ADK: variants seen among roughly 807,000 people sequenced by gnomAD.
The protein encoded by ADK is N6,N6-dimethyladenosine kinase.
In ADK, 24 loss-of-function variants were observed where a neutral mutation model predicts 44.7. The observed-to-expected ratio is 0.54, with a 90% CI of 0.39 to 0.76. The LOEUF (loss-of-function observed/expected upper bound fraction) is 0.76, where lower values mean the gene tolerates loss of function less well. Among genes scored for constraint, ADK ranks in the 30% least tolerant of loss-of-function variants. ADK has a pLI of 0.00. For synonymous variants in ADK, 128 were observed against 142.6 expected, an observed-to-expected ratio of 0.90 and a Z score of 0.73; for missense variants, 321 against 425.1, an observed-to-expected ratio of 0.76 and a Z score of 2.15.
chr10:74,325,323 A>G (rs1840968729), intron 4 of ADK, among the ~76,000 whole-genome samples: 1 of 151,808 alleles, frequency 6.6e-6, no homozygotes, highest in South Asian at 2.1e-4. Context: ...ATGCTTTTGT[A>G]TGTTTATTTT....
chr10:74,412,828 C>A (rs1404860611), intron 6 of ADK, among the ~76,000 whole-genome samples: 3 of 152,054 alleles, frequency 2.0e-5, no homozygotes, highest in Non-Finnish European at 4.4e-5. Context: ...GAGGCCAAGG[C>A]GGGAGGATCA....
chr10:74,662,528 G>A (rs933903921), intron 9 of ADK, among the ~76,000 whole-genome samples: 4 of 152,042 alleles, frequency 2.6e-5, no homozygotes, highest in African/African-American at 9.7e-5. Context: ...CAGTCCTCCC[G>A]CCTCAGCCTC....
chr10:74,386,584 A>C (rs1463091317), intron 4 of ADK, among the ~76,000 whole-genome samples: 1 of 152,124 alleles, frequency 6.6e-6, no homozygotes, highest in East Asian at 1.9e-4. Context: ...TACCTTAGTG[A>C]ACTGTCATCT....
chr10:74,468,189 G>T (rs1846429053), intron 6 of ADK, among the ~76,000 whole-genome samples: 1 of 152,102 alleles, frequency 6.6e-6, no homozygotes. Flanking sequence ...GTATAATTTT[G>T]TCTCTTTCTT....
intron 2 of ADK, among the ~76,000 whole-genome samples, chr10:74,203,612 T>C (rs1843477102): frequency 6.6e-6 from 1 of 152,048 alleles, no homozygotes; most frequent in Non-Finnish European, 1.5e-5. Flanking sequence ...TAGGCCCAAG[T>C]TGTCTTCCCA....
chr10:74,614,013 T>C (rs1852652360), intron 9 of ADK, among the ~76,000 whole-genome samples: 1 of 152,188 alleles, frequency 6.6e-6, no homozygotes, highest in Admixed American at 6.5e-5. Context: ...CACCTATGAA[T>C]GTAAGTTACT....
intron 9 of ADK, among the ~76,000 whole-genome samples, chr10:74,651,923 A>G (rs1008537479): frequency 1.3e-5 from 2 of 152,224 alleles, no homozygotes; most frequent in African/African-American, 4.8e-5. Flanking sequence ...GTATGATTAC[A>G]TTTATTTGAA....
At chr10:74,509,543 G>A (rs1468905461) in intron 6 of ADK, 2 of 152,130 alleles carry the variant, frequency 1.3e-5, no homozygotes, top group Non-Finnish European at 2.9e-5. Flanking sequence ...GGGATAAATA[G>A]CATATCCATC....
intron 9 of ADK, among the ~76,000 whole-genome samples, chr10:74,612,733 T>C (rs1388790862): frequency 6.6e-6 from 1 of 152,100 alleles, no homozygotes; most frequent in Non-Finnish European, 1.5e-5. Context: ...TTCTCCTAGG[T>C]TTTTTCTAGG....
chr10:74,679,837 T>A (rs750587915), intron 10 of ADK, among the ~76,000 whole-genome samples: 3 of 151,986 alleles, frequency 2.0e-5, no homozygotes, highest in Non-Finnish European at 2.9e-5. Context: ...GGTGGGTGCC[T>A]ATAATCCCAG....
intron 4 of ADK, among the ~76,000 whole-genome samples, chr10:74,372,873 A>G (rs1211261598): frequency 1.3e-5 from 2 of 152,170 alleles, no homozygotes; most frequent in African/African-American, 4.8e-5. Context: ...AATTCAAGGG[A>G]CCCAGTATAG....
chr10:74,217,594 C>T (rs1375329246), intron 2 of ADK, among the ~76,000 whole-genome samples: 4 of 152,244 alleles, frequency 2.6e-5, no homozygotes, highest in Non-Finnish European at 5.9e-5. Context: ...CCCCTGACCC[C>T]TGAGCAGCCT....
At chr10:74,276,954 G>A (rs572150687) in intron 3 of ADK, among the ~76,000 whole-genome samples, 7 of 149,812 alleles carry the variant, frequency 4.7e-5, no homozygotes, top group African/African-American at 1.7e-4. Context: ...GTCTCAGTCT[G>A]TTGCACAGAC....
intron 3 of ADK, among the ~76,000 whole-genome samples, chr10:74,249,939 A>G (rs1400336118): frequency 6.6e-6 from 1 of 152,196 alleles, no homozygotes; most frequent in African/African-American, 2.4e-5. Context: ...CATAGTTTAT[A>G]CTCTAATAGA....
chr10:74,695,021 C>T (rs1438700462), intron 10 of ADK, among the ~76,000 whole-genome samples: 1 of 151,770 alleles, frequency 6.6e-6, no homozygotes, highest in Non-Finnish European at 1.5e-5. Flanking sequence ...CTAAACACTA[C>T]TTTTCTAAGA....
chr10:74,546,641 A>G (rs771221642), intron 7 of ADK, among the ~76,000 whole-genome samples: 4 of 152,140 alleles, frequency 2.6e-5, no homozygotes, highest in Non-Finnish European at 4.4e-5. Flanking sequence ...TGAGTGTTTT[A>G]TATAGTAGGG....
At chr10:74,382,782 G>T (rs2132010430) in intron 4 of ADK, among the ~76,000 whole-genome samples, 1 of 151,876 alleles carries the variant, frequency 6.6e-6, no homozygotes, top group African/African-American at 2.4e-5. Flanking sequence ...TCTTTTTCTT[G>T]AAAAGAAAAA....
chr10:74,359,094 C>A (rs979645882), intron 4 of ADK, among the ~76,000 whole-genome samples: 1 of 152,010 alleles, frequency 6.6e-6, no homozygotes, highest in Non-Finnish European at 1.5e-5. Context: ...TTAAGTCTTT[C>A]ATCCATTTTG....
intron 6 of ADK, among the ~76,000 whole-genome samples, chr10:74,495,673 G>A (rs1338933527): frequency 6.6e-6 from 1 of 152,112 alleles, no homozygotes; most frequent in Non-Finnish European, 1.5e-5. Flanking sequence ...CTTTGTGCTT[G>A]GAGTTCCTGA....
Sources: gnomAD v4.1 joint callset for allele counts (sites outside exome capture counted in the v4.1 genomes callset) on GRCh38, gnomAD v4.1.1 for gene constraint, MANE v1.5 for transcripts, NCBI Gene and HGNC (gene_info 2026-07-23, HGNC 2026-07-21) for gene names.